CELSR2: variants seen among roughly 807,000 people sequenced by gnomAD.
CELSR2 encodes the protein EGF-like protein 2.
Under a neutral mutation model 251.6 loss-of-function variants are expected in CELSR2, and 81 were observed. That is an observed-to-expected ratio of 0.32 (90% CI 0.27 to 0.39). CELSR2 has a LOEUF of 0.39. Ranked by LOEUF, CELSR2 falls within the 10% of genes least tolerant of loss-of-function variation. The pLI is 1.00. For synonymous variants in CELSR2, 1,721 were observed against 1,670.5 expected (o/e 1.03, Z -0.74); for missense variants, 3,365 against 3,947.7 (o/e 0.85, Z 3.96).
chr1:109,263,374 G>C (rs1656081088), intron 8 of CELSR2, 107 bp downstream of exon 8: 6 of 1,466,296 alleles, frequency 4.1e-6, no homozygotes, highest in Non-Finnish European at 5.4e-6. Context: ...CGGGGCTGTG[G>C]GTGGAAAAGC....
chr1:109,260,639 A>G (rs1327669159), intron 2 of CELSR2, among the ~76,000 whole-genome samples: 1 of 152,042 alleles, frequency 6.6e-6, no homozygotes, highest in African/African-American at 2.4e-5. Flanking sequence ...GCTTGTGCAC[A>G]TTTACCCTCT....
rs1479461692 is a variant in CELSR2, at chr1:109,271,529, G to A, written c.7803+17G>A. 1 of 1,614,202 alleles carries A rather than the reference G, an allele frequency of 6.2e-7. No homozygotes were observed. The highest frequency in any genetic ancestry group is 1.7e-5 in the Admixed American group (1 of 60,034). On this transcript the variant is annotated intron_variant, in intron 27 of 33. Coordinates refer to ENST00000271332, the MANE Select transcript of CELSR2 (RefSeq NM_001408.3). ...TGCATCCAGGTACCTGGCCCAGCCT[G>A]TGGAGAAGGGAGGCACCTGGGCTGT...
In CELSR2 at chr1:109,263,201, G is replaced by A. The variant is rs750030005; in HGVS notation, c.4768G>A (p.Val1590Met). 6.6e-5 allele frequency: 105 copies of A among 1,599,542 alleles called. No homozygotes were observed. The highest frequency in any genetic ancestry group is 6.3e-4 in the East Asian group (28 of 44,404). Residue 1590 changes from valine (V) to methionine (M), a missense_variant, in exon 8 of 34, where the codon GTG becomes ATG. Coordinates refer to ENST00000271332, the MANE Select transcript of CELSR2 (RefSeq NM_001408.3). ...CACTTGCCACAATGGGGGCACTTGC[G>A]TGAACCAGTGGGACGCGTTCAGCTG... ...SNTCHNGGTC[V>M]NQWDAFSCEC...
intron 33 of CELSR2, 171 bp downstream of exon 33, chr1:109,273,841 G>A (rs543102987): frequency 1.6e-5 from 16 of 1,031,250 alleles, no homozygotes; most frequent in East Asian, 7.2e-5. Flanking sequence ...GGTGCCTTGC[G>A]GGGAGGGCCA....
intron 1 of CELSR2, among the ~76,000 whole-genome samples, chr1:109,253,886 C>T (rs1349631867): frequency 1.3e-5 from 2 of 152,248 alleles, no homozygotes; most frequent in Non-Finnish European, 2.9e-5. Flanking sequence ...GGGGTCAGGA[C>T]CCTGTAGTCC....
Position 109,269,831 on chromosome 1 carries a change from CA to C in CELSR2, c.7107+12del, listed in dbSNP as rs765758461. 1.2e-6 allele frequency: 2 copies of C among 1,612,694 alleles called. No individual in the cohort carries two copies. Among genetic ancestry groups the C allele is most frequent in the East Asian group, 4.5e-5 (2 of 44,864 alleles). Reference sequence around the variant, plus strand: ...GTTTCTCGGCGGGAGGTCGGGCCCACAGGGGCAGCTGCAGAGCCGTGGGTGG... The same window carrying C: ...GTTTCTCGGCGGGAGGTCGGGCCCACGGGGCAGCTGCAGAGCCGTGGGTGG... On this transcript the variant is annotated intron_variant, in intron 22 of 33. Transcript: ENST00000271332. The surrounding 1 kb of genome is among the most constrained non-coding windows in gnomAD (Gnocchi z 6.4).
Position 109,274,149 on chromosome 1 carries a change from G to A in CELSR2, c.*100G>A, listed in dbSNP as rs1049673849. ...GCTTTATCCTGCCCCGCTCCCCATC[G>A]CCTGCCCGCAGCAGCGACGAAACGT... On this transcript the variant is annotated 3_prime_UTR_variant, in exon 34 of 34. Transcript: ENST00000271332. 3.1e-6 allele frequency: 5 copies of A among 1,603,590 alleles called. No individual in the cohort carries two copies. Among genetic ancestry groups the A allele is most frequent in the Non-Finnish European group, 4.3e-6 (5 of 1,176,168 alleles).
chr1:109,273,174 C>T lies in CELSR2; in HGVS notation c.8347C>T (p.Pro2783Ser), dbSNP rs1466415817. ...CTTCCTTTCCCCACCAGATGGGGGC[C>T]CAGGGCCTGGCAAGGCCCCCTGGCC... is the stretch of plus-strand genomic sequence containing the variant. ...PLHSTPKDGGPGPGKAPWPGD... is the reference protein window; with the variant it reads ...PLHSTPKDGGSGPGKAPWPGD... Residue 2783 changes from proline to serine, a missense_variant, in exon 32 of 34, where the codon CCA (proline) becomes TCA (serine). Pro to Ser is a moderately conservative substitution (Grantham distance 74, BLOSUM62 -1). Coordinates refer to ENST00000271332, the MANE Select transcript of CELSR2 (RefSeq NM_001408.3). 1.9e-6 allele frequency: 3 copies of T among 1,608,440 alleles called. No individual in the cohort carries two copies. In the Admixed American group the frequency reaches 5.1e-5, roughly 27 times the overall value.
Position 109,258,829 on chromosome 1 carries a change from C to T in CELSR2, c.3708C>T (p.Pro1236=). 6.2e-7 allele frequency: 1 copy of T among 1,612,410 alleles called. No homozygotes were observed. Among genetic ancestry groups the T allele is most frequent in the East Asian group, 2.2e-5 (1 of 44,844 alleles). ...ACGACAACATCTGCCTGCGGGAGCC[C>T]TGCGAGAACTACATGCGCTGCGTGT... ...PFDDNICLRE[P]CENYMRCVSV... is the part of the protein sequence containing the mutation. The change falls in exon 2 of 34, where the codon CCC becomes CCT. Residue 1236 remains proline, a synonymous_variant. Transcript: ENST00000271332.
Position 109,250,005 on chromosome 1 carries a change from G to A in CELSR2, c.-75G>A, listed in dbSNP as rs1655629805. ...TGGCGCCCTGGCCCGGGCATGAGGCGCGGCGGGGCCGGCAGGAGCCGGAGG... is the reference window on the plus strand; with the variant it reads ...TGGCGCCCTGGCCCGGGCATGAGGCACGGCGGGGCCGGCAGGAGCCGGAGG... On this transcript the variant is annotated 5_prime_UTR_variant, in exon 1 of 34. Coordinates refer to ENST00000271332, the MANE Select transcript of CELSR2 (RefSeq NM_001408.3). The surrounding 1 kb of genome is among the most constrained non-coding windows in gnomAD (Gnocchi z 4.4). The A allele has an allele frequency of 1.6e-6, 2 of 1,225,584 alleles. No individual in the cohort carries two copies. The highest frequency in any genetic ancestry group is 1.0e-6 in the Non-Finnish European group (1 of 985,504). 75.9% of individuals were successfully genotyped at this position (1,225,584 alleles called of 1,614,324 possible). A position where few individuals can be genotyped will look rare whatever the true frequency, so the allele number is the denominator to read the frequency against.
chr1:109,265,962 T>C, intron 14 of CELSR2, 44 bp downstream of exon 14: 4 of 1,593,736 alleles, frequency 2.5e-6, no homozygotes, highest in Non-Finnish European at 3.4e-6. Context: ...TACAGTGTGC[T>C]AGGCACCTGC....
chr1:109,253,098 G>A lies in CELSR2; in HGVS notation c.3019G>A (p.Ala1007Thr), dbSNP rs776308231. 3.1e-6 allele frequency: 5 copies of A among 1,613,796 alleles called. No homozygotes were observed. The highest frequency in any genetic ancestry group is 4.2e-6 in the Non-Finnish European group (5 of 1,180,034). The stretch of plus-strand genomic sequence containing the variant: ...CACGTCAGCTCCTCTGGTGAGCCGG[G>A]CTACAGTCCACGTCCGCCTCCTTGA... The part of the protein sequence containing the change: ...QATSAPLVSR[A>T]TVHVRLLDRN... Residue 1007 changes from alanine to threonine, a missense_variant, in exon 1 of 34, where the codon GCT (alanine) becomes ACT (threonine). Coordinates refer to ENST00000271332, the MANE Select transcript of CELSR2 (RefSeq NM_001408.3).
chr1:109,267,821 A>T, intron 16 of CELSR2, 30 bp from the exon 17 acceptor site: 1 of 1,588,368 alleles, frequency 6.3e-7, no homozygotes, highest in Non-Finnish European at 8.6e-7. Flanking sequence ...TCCTGCCCTC[A>T]CTCCTGCTCC....
rs1557736964 is a variant in CELSR2, at chr1:109,270,949, C to T, written c.7506C>T (p.Pro2502=). 1.1e-5 allele frequency: 17 copies of T among 1,613,880 alleles called. No homozygotes were observed. The highest frequency in any genetic ancestry group is 1.3e-5 in the African/African-American group (1 of 75,024). Residue 2502 remains proline (P), a synonymous_variant, in exon 25 of 34, where the codon CCC becomes CCT. Coordinates refer to ENST00000271332, the MANE Select transcript of CELSR2 (RefSeq NM_001408.3). ...CAGGGCTAGCCGTGGGCCTGGACCC[C>T]GAGGGCTACGGGAACCCTGACTTCT... The part of the protein sequence containing the change: ...FITGLAVGLD[P]EGYGNPDFCW...
rs145725543 is a variant in CELSR2 at position 109,254,456 on chromosome 1, C to T, written c.3310+1067C>T. ...ACAGTATTCTGTCTTTTTTTATCAG[C>T]TGTGGGGAGCCAGAGGTAGCAGCAG... On this transcript the variant is annotated intron_variant, in intron 1 of 33. Coordinates refer to ENST00000271332, the MANE Select transcript of CELSR2 (RefSeq NM_001408.3). 1.2e-3 allele frequency among the ~76,000 whole-genome samples: 183 copies of T among 152,262 alleles called. No individual in the cohort carries two copies. The Middle Eastern group carries it at 0.031, about 25-fold the overall frequency.
In CELSR2 at chr1:109,251,042, T is replaced by A; in HGVS notation, c.963T>A (p.Asn321Lys). 6.2e-7 allele frequency: 1 copy of A among 1,613,516 alleles called. No homozygotes were observed. Among genetic ancestry groups the A allele is most frequent in the Non-Finnish European group, 8.5e-7 (1 of 1,179,952 alleles). ...CCACGGATGGTGATGCCCCTCCCAA[T>A]GCCAATATTCTGTACCGCCTGCTGG... is the stretch of plus-strand genomic sequence containing the variant. The part of the protein sequence containing the change: ...VRATDGDAPP[N>K]ANILYRLLEG... The change falls in exon 1 of 34, where the codon AAT becomes AAA. Residue 321 changes from asparagine (N) to lysine (K), a missense_variant. Asn to Lys is a moderately conservative substitution (Grantham distance 94). Coordinates refer to ENST00000271332, the MANE Select transcript of CELSR2 (RefSeq NM_001408.3). This position sits in a 1 kb window ranked among gnomAD's most constrained non-coding sequence, Gnocchi z 4.9.
Position 109,269,066 on chromosome 1 carries a change from A to C in CELSR2, c.6632-44A>C, listed in dbSNP as rs748547466. The C allele has an allele frequency of 6.3e-7, 1 of 1,598,696 alleles. No homozygotes were observed. Among genetic ancestry groups the C allele is most frequent in the Non-Finnish European group, 8.6e-7 (1 of 1,169,516 alleles). On this transcript the variant is annotated intron_variant, in intron 19 of 33. Coordinates refer to ENST00000271332, the MANE Select transcript of CELSR2 (RefSeq NM_001408.3). The surrounding 1 kb of genome is among the most constrained non-coding windows in gnomAD (Gnocchi z 6.4). Reference sequence around the variant, plus strand: ...GGACCCCAGTGTCTGTGCAGACTCCACAGAGAGCAGGGCCCAGCTAAGTGT... The same window carrying C: ...GGACCCCAGTGTCTGTGCAGACTCCCCAGAGAGCAGGGCCCAGCTAAGTGT...
chr1:109,251,630 T>C lies in CELSR2; in HGVS notation c.1551T>C (p.Ser517=), dbSNP rs454107. 0.95 allele frequency: 1,539,286 copies of C among 1,613,832 alleles called. 735,752 individuals are homozygous for C. The highest frequency in any genetic ancestry group is 1 in the East Asian group (44,837 of 44,856). Reference sequence around the variant, plus strand: ...CTTTCCAGGCTACTGTCCTGGAGAGTGTCCCCTTAGGCTACCTGGTTCTCC... The same window carrying C: ...CTTTCCAGGCTACTGTCCTGGAGAGCGTCCCCTTAGGCTACCTGGTTCTCC... ...STPFQATVLE[S]VPLGYLVLHV... Residue 517 remains serine, a synonymous_variant, in exon 1 of 34, where the codon AGT becomes AGC. Transcript: ENST00000271332. This position sits in a 1 kb window ranked among gnomAD's most constrained non-coding sequence, Gnocchi z 4.9.
intron 23 of CELSR2, 122 bp downstream of exon 23, chr1:109,270,255 C>T (rs936280717): frequency 7.8e-7 from 1 of 1,284,798 alleles, no homozygotes; most frequent in Non-Finnish European, 1.1e-6. Context: ...AGCACCTGGC[C>T]CAGGGTTTCC....
Sources: gnomAD v4.1 joint callset for allele counts (sites outside exome capture counted in the v4.1 genomes callset) on GRCh38, gnomAD v4.1.1 for gene constraint, Gnocchi (gnomAD v3.1) non-coding constraint, MANE v1.5 for transcripts, NCBI Gene and HGNC (gene_info 2026-07-23, HGNC 2026-07-21) for gene names.